The following C10orf105 variants were observed in gnomAD, a reference collection of about 807,000 sequenced individuals.
C10orf105 encodes the protein uncharacterized protein C10orf105.
In C10orf105, 2 loss-of-function variants were observed where a neutral mutation model predicts 0.6. That is an observed-to-expected ratio of 3.18 (90% CI 1.30 to 10.01). The LOEUF (loss-of-function observed/expected upper bound fraction) is 10.01. C10orf105 is among the 30% of genes most tolerant of loss of function. C10orf105 has a pLI of 0.04. For missense variants in C10orf105, 209 were observed against 191.4 expected (o/e 1.09, Z -0.54); for synonymous variants, 95 against 82.4 (o/e 1.15, Z -0.83).
In C10orf105 at chr10:71,719,757, C is replaced by G. The variant is rs1014834098; in HGVS notation, c.-136G>C. The G allele has an allele frequency of 6.6e-6, 1 of 152,428 alleles. No individual in the cohort carries two copies. The highest frequency in any genetic ancestry group is 1.5e-5 in the Non-Finnish European group (1 of 68,182). The allele number at this position is 152,428 out of a possible 1,614,324, so 9.4% of individuals were successfully genotyped here. A position where few individuals can be genotyped will look rare whatever the true frequency, so the allele number is the denominator to read the frequency against. On this transcript the variant is annotated 5_prime_UTR_variant, in exon 1 of 2. Coordinates refer to ENST00000441508, the MANE Select transcript of C10orf105 (RefSeq NM_001164375.3). The stretch of plus-strand genomic sequence containing the variant: ...AGGCTCTGCTGTGCCCTGCAGCCCT[C>G]GGTCAGCCTGGCCAGCAGAGTGGCC...
chr10:71,722,089 A>G (rs180985556), upstream of C10orf105, among the ~76,000 whole-genome samples: 157 of 152,312 alleles, frequency 1.0e-3, no homozygotes, highest in African/African-American at 3.6e-3. Context: ...CCAGTGAGCA[A>G]CGATAGGAAA....
chr10:71,734,165 G>A (rs1839483229), intron 1 of C10orf105: 2 of 1,227,392 alleles, frequency 1.6e-6, no homozygotes, highest in Non-Finnish European at 2.4e-6. Context: ...ACATGGAGGT[G>A]GAAAAGTGGG....
intron 1 of C10orf105, among the ~76,000 whole-genome samples, chr10:71,731,130 G>A (rs1401708913): frequency 2.6e-5 from 4 of 152,148 alleles, no homozygotes; most frequent in East Asian, 3.9e-4. Flanking sequence ...GCCACAGCCC[G>A]CAGTGCAAAA....
chr10:71,715,931 C>A lies in C10orf105; in HGVS notation c.*5G>T, dbSNP rs1303272565. The stretch of plus-strand genomic sequence containing the variant: ...GGATGTGGGGGCATGTTTGTGGACA[C>A]CCCATTACATCTTGGTAGATTCCAT... On this transcript the variant is annotated 3_prime_UTR_variant, in exon 2 of 2. Coordinates refer to ENST00000441508, the MANE Select transcript of C10orf105 (RefSeq NM_001164375.3). 5 of 1,457,982 alleles carry A rather than the reference C, an allele frequency of 3.4e-6. No individual in the cohort carries two copies. In the African/African-American group the frequency reaches 7.2e-5, roughly 21 times the overall value. The allele number at this position is 1,457,982 out of a possible 1,614,324, so 90.3% of individuals were successfully genotyped here. A position where few individuals can be genotyped will look rare whatever the true frequency, so the allele number is the denominator to read the frequency against.
Position 71,713,667 on chromosome 10 carries a change from G to C in C10orf105, c.*2269C>G, listed in dbSNP as rs917981115. On this transcript the variant is annotated 3_prime_UTR_variant, in exon 2 of 2. Coordinates refer to ENST00000441508, the MANE Select transcript of C10orf105 (RefSeq NM_001164375.3). ...GAAGGAGGAAGTAGAGGGTTCTCTC[G>C]ATCAGGGCCTCAGCTTGTGAGGACT... 4.6e-5 allele frequency: 11 copies of C among 239,324 alleles called. No individual in the cohort carries two copies. The highest frequency in any genetic ancestry group is 2.3e-4 in the African/African-American group (10 of 43,476). 14.8% of individuals were successfully genotyped at this position (239,324 alleles called of 1,614,324 possible).
upstream of C10orf105, among the ~76,000 whole-genome samples, chr10:71,722,368 A>G (rs1229772340): frequency 2.0e-5 from 3 of 152,220 alleles, no homozygotes; most frequent in Admixed American, 1.3e-4. Flanking sequence ...TCAAACAGGG[A>G]GCGAGGCACA....
chr10:71,725,178 A>T (rs1324599073), intron 1 of C10orf105, among the ~76,000 whole-genome samples: 1 of 152,172 alleles, frequency 6.6e-6, no homozygotes, highest in Admixed American at 6.5e-5. Flanking sequence ...CGCATTGGGG[A>T]TGGCCTGTCT....
intron 1 of C10orf105, among the ~76,000 whole-genome samples, chr10:71,729,827 T>A (rs1292268723): frequency 2.0e-5 from 3 of 152,020 alleles, no homozygotes; most frequent in Non-Finnish European, 4.4e-5. Context: ...TGTGAACTAT[T>A]TTATTATTAT....
At chr10:71,732,517 AG>A in intron 1 of C10orf105, 1 of 1,363,998 alleles carries the variant, frequency 7.3e-7, no homozygotes, top group Non-Finnish European at 9.9e-7. Flanking sequence ...CTGTAGTCCC[AG>A]CTGCTTGAGA....
intron 1 of C10orf105, among the ~76,000 whole-genome samples, chr10:71,726,078 C>T (rs1178866889): frequency 3.3e-5 from 5 of 152,166 alleles, no homozygotes; most frequent in African/African-American, 1.2e-4. Flanking sequence ...AGCCTTAGTC[C>T]TCCCGAATGG....
At position 71,712,207 on chromosome 10, in the gene C10orf105, A is replaced by G. The variant is rs565638059; in HGVS notation, c.*3729T>C. ...CCTTTCTCTTGTAAGGACACTTGCC[A>G]TTGGGTTTATGGGCCACCCAGCTCA... is the stretch of plus-strand genomic sequence containing the variant. On this transcript the variant is annotated 3_prime_UTR_variant, in exon 2 of 2. Transcript: ENST00000441508. 6.3e-6 allele frequency: 1 copy of G among 158,122 alleles called. No individual in the cohort carries two copies. Among genetic ancestry groups the G allele is most frequent in the Non-Finnish European group, 1.4e-5 (1 of 71,086 alleles). 9.8% of individuals were successfully genotyped at this position (158,122 alleles called of 1,614,324 possible).
chr10:71,735,813 G>A (rs1839547645), intron 1 of C10orf105, among the ~76,000 whole-genome samples: 1 of 152,196 alleles, frequency 6.6e-6, no homozygotes, highest in Non-Finnish European at 1.5e-5. Flanking sequence ...GGGTGAGTGA[G>A]GCTGTGATGG....
chr10:71,730,793 G>A (rs920338837), intron 1 of C10orf105, among the ~76,000 whole-genome samples: 3 of 152,228 alleles, frequency 2.0e-5, no homozygotes, highest in African/African-American at 7.2e-5. Context: ...GAGAGGGTTG[G>A]AATCAGGGAG....
chr10:71,727,780 G>A (rs577491424), intron 1 of C10orf105, among the ~76,000 whole-genome samples: 1 of 152,286 alleles, frequency 6.6e-6, no homozygotes, highest in East Asian at 1.9e-4. Flanking sequence ...GCACAGCACT[G>A]GACAGGCACA....
At chr10:71,729,197 AACTT>A (rs1168399143) in intron 1 of C10orf105, among the ~76,000 whole-genome samples, 1 of 152,168 alleles carries the variant, frequency 6.6e-6, no homozygotes, top group Non-Finnish European at 1.5e-5. Flanking sequence ...TCATAAAGAG[AACTT>A]AGTGCTGGTA....
Position 71,716,290 on chromosome 10 carries a change from G to T in C10orf105, c.48C>A (p.Pro16=), listed in dbSNP as rs760544099. 6.6e-7 allele frequency: 1 copy of T among 1,522,618 alleles called. No homozygotes were observed. Among genetic ancestry groups the T allele is most frequent in the Non-Finnish European group, 8.8e-7 (1 of 1,130,476 alleles). The allele number at this position is 1,522,618 out of a possible 1,614,324, so 94.3% of individuals were successfully genotyped here. A position where few individuals can be genotyped will look rare whatever the true frequency, so the allele number is the denominator to read the frequency against. ...TGACGGGAGCTGAGAGAAAGGCGAG[G>T]GGGCTGATGGCTGGGGAGCTGGCGA... is the stretch of plus-strand genomic sequence containing the variant. ...PSLASSPAIS[P]LAFLSAPVTP... is the part of the protein sequence containing the mutation. The change falls in exon 2 of 2, where the codon CCC becomes CCA. Residue 16 remains proline, a synonymous_variant. Coordinates refer to ENST00000441508, the MANE Select transcript of C10orf105 (RefSeq NM_001164375.3).
chr10:71,725,290 C>T, intron 1 of C10orf105: 1 of 1,598,028 alleles, frequency 6.3e-7, no homozygotes, highest in East Asian at 2.2e-5. Flanking sequence ...TGGTGAACTT[C>T]TGCCCCCAAC....
rs61481944 is a variant in C10orf105, at chr10:71,716,675, T to G, written c.-5-333A>C. 1.4e-3 allele frequency: 322 copies of G among 233,542 alleles called. 1 individual carries two copies. The highest frequency in any genetic ancestry group is 6.7e-3 in the African/African-American group (297 of 44,498). 14.5% of individuals were successfully genotyped at this position (233,542 alleles called of 1,614,324 possible). A position where few individuals can be genotyped will look rare whatever the true frequency, so the allele number is the denominator to read the frequency against. The stretch of plus-strand genomic sequence containing the variant: ...TCACAGGGTCTTAGGCCTGGAAACT[T>G]AAGACCAACTCTGTCAATAACTTGC... On this transcript the variant is annotated intron_variant, in intron 1 of 1. Transcript: ENST00000441508.
chr10:71,713,214 G>T lies in C10orf105; in HGVS notation c.*2722C>A. The T allele has an allele frequency of 2.6e-6, 2 of 779,226 alleles. No homozygotes were observed. The highest frequency in any genetic ancestry group is 1.7e-5 in the African/African-American group (1 of 59,268). 48.3% of individuals were successfully genotyped at this position (779,226 alleles called of 1,614,324 possible). A position where few individuals can be genotyped will look rare whatever the true frequency, so the allele number is the denominator to read the frequency against. On this transcript the variant is annotated 3_prime_UTR_variant, in exon 2 of 2. Coordinates refer to ENST00000441508, the MANE Select transcript of C10orf105 (RefSeq NM_001164375.3). ...TGCTTTCACAGAGCCCTTGGCCGAG[G>T]CTCCCCTCTTGGGAAGTAAACAGGC...
Sources: gnomAD v4.1 joint callset for allele counts (sites outside exome capture counted in the v4.1 genomes callset) on GRCh38, gnomAD v4.1.1 for gene constraint, MANE v1.5 for transcripts, NCBI Gene and HGNC (gene_info 2026-07-23, HGNC 2026-07-21) for gene names.